Variants in FAM221A observed in about 807,000 individuals in gnomAD.
FAM221A encodes the protein family with sequence similarity 221 member A.
In FAM221A, 43 loss-of-function variants were observed where a neutral mutation model predicts 37.6. The ratio of observed to expected loss-of-function variants is 1.15; its 90% CI spans 0.90 to 1.48. The LOEUF (loss-of-function observed/expected upper bound fraction) is 1.48, where lower values mean the gene tolerates loss of function less well. FAM221A is among the 40% of genes most tolerant of loss of function. FAM221A has a pLI of 0.00. For missense variants in FAM221A, 361 were observed against 361.5 expected (o/e 1.00, Z 0.01); for synonymous variants, 135 against 132.9 (o/e 1.02, Z -0.11).
chr7:23,700,953 C>T (rs928258951), intron 6 of FAM221A, 85 bp downstream of exon 6: 3 of 894,942 alleles, frequency 3.4e-6, no homozygotes. Flanking sequence ...TGTGGAACAT[C>T]CTTGAAAATA....
At chr7:23,702,846 C>T (rs1424695136), downstream of FAM221A, 5 of 152,148 alleles carry the variant, frequency 3.3e-5, no homozygotes, top group Admixed American at 6.5e-5. Context: ...CTTCTGATAG[C>T]GGAAGCCATT....
chr7:23,691,175 G>A (rs1784720496), intron 3 of FAM221A, among the ~76,000 whole-genome samples: 1 of 150,876 alleles, frequency 6.6e-6, no homozygotes, highest in African/African-American at 2.4e-5. Flanking sequence ...TCCTTGTTGT[G>A]TTTTGCAGTT....
At chr7:23,682,667 C>T (rs367759095) in intron 1 of FAM221A, among the ~76,000 whole-genome samples, 11 of 151,932 alleles carry the variant, frequency 7.2e-5, no homozygotes, top group African/African-American at 2.7e-4. Context: ...TCAAGTGATC[C>T]TCCTGCTTCC....
intron 2 of FAM221A, chr7:23,686,324 CACGATCTTG>C: frequency 2.3e-6 from 1 of 427,142 alleles, no homozygotes; most frequent in Non-Finnish European, 4.6e-6. Flanking sequence ...AGTGCAGTGG[CACGATCTTG>C]GCTCATTGCA....
intron 2 of FAM221A, among the ~76,000 whole-genome samples, chr7:23,685,259 A>G (rs1382310544): frequency 1.5e-4 from 1 of 6,490 alleles, no homozygotes; most frequent in Admixed American, 1.2e-3. Flanking sequence ...AAACAAAGCA[A>G]AACAAAACAA....
Position 23,680,227 on chromosome 7 carries a change from G to C in FAM221A, c.9G>C (p.Arg3=), listed in dbSNP as rs1562511639. 2.6e-6 allele frequency: 4 copies of C among 1,549,956 alleles called. No individual in the cohort carries two copies. The highest frequency in any genetic ancestry group is 1.2e-5 in the South Asian group (1 of 84,008). Residue 3 remains arginine, a synonymous_variant, in exon 1 of 7, where the codon CGG becomes CGC. Transcript: ENST00000344962. The part of the protein sequence containing the change: ME[R]LTLPLGGAAA... ...TGGCTTCCCCACCGGCAATGGAGCG[G>C]TTGACGTTGCCTCTCGGCGGCGCGG...
At position 23,684,453 on chromosome 7, in the gene FAM221A, AAAAT is replaced by A. The variant is rs373411785; in HGVS notation, c.66-40_66-37del. The A allele has an allele frequency of 7.6e-5, 105 of 1,386,396 alleles. No homozygotes were observed. In the Middle Eastern group the frequency reaches 8.0e-4, roughly 11 times the overall value. 85.9% of individuals were successfully genotyped at this position (1,386,396 alleles called of 1,614,324 possible). ...AGTGGCCTGGTCATAGCTCACCCAG[AAAAT>A]AAATACTCAAAGCTTAAGAGAAATA... On this transcript the variant is annotated intron_variant, in intron 1 of 6. Transcript: ENST00000344962.
At chr7:23,700,546 G>C (rs1323729262) in intron 5 of FAM221A, among the ~76,000 whole-genome samples, 1 of 152,100 alleles carries the variant, frequency 6.6e-6, no homozygotes, top group Non-Finnish European at 1.5e-5. Context: ...TAGCTATATG[G>C]TGCTATTTAA....
In FAM221A at chr7:23,689,372, C is replaced by T. The variant is rs1324066967; in HGVS notation, c.343C>T (p.Pro115Ser). ...CCAGTGCAGGGCTTACCTTTATGTCCCCTTGAATGGTAGCCAGCCCATTCG... is the reference window on the plus strand; with the variant it reads ...CCAGTGCAGGGCTTACCTTTATGTCTCCTTGAATGGTAGCCAGCCCATTCG... ...GCQCRAYLYV[P>S]LNGSQPIRCR... Residue 115 changes from proline (P) to serine (S), a missense_variant, in exon 3 of 7, where the codon CCC becomes TCC. Coordinates refer to ENST00000344962, the MANE Select transcript of FAM221A (RefSeq NM_199136.5). The T allele has an allele frequency of 6.8e-6, 11 of 1,608,448 alleles. No homozygotes were observed. Among genetic ancestry groups the T allele is most frequent in the Non-Finnish European group, 9.4e-6 (11 of 1,175,906 alleles).
intron 6 of FAM221A, among the ~76,000 whole-genome samples, chr7:23,701,334 G>A (rs915582382): frequency 1.3e-5 from 2 of 150,626 alleles, no homozygotes; most frequent in African/African-American, 4.9e-5. Flanking sequence ...CCGCCTCCCG[G>A]GTTCACGCCA....
Position 23,702,421 on chromosome 7 carries a change from C to G in FAM221A, c.*257C>G, listed in dbSNP as rs770134130. The G allele has an allele frequency of 1.3e-5, 3 of 237,224 alleles. No homozygotes were observed. The highest frequency in any genetic ancestry group is 2.5e-5 in the Non-Finnish European group (3 of 122,318). The allele number at this position is 237,224 out of a possible 1,614,324, so 14.7% of individuals were successfully genotyped here. A position where few individuals can be genotyped will look rare whatever the true frequency, so the allele number is the denominator to read the frequency against. Reference sequence around the variant, plus strand: ...TTTTATATGAGTCTGTCTGAGAGTACAGTAAATGTTTTTAGTACATAATAA... The same window carrying G: ...TTTTATATGAGTCTGTCTGAGAGTAGAGTAAATGTTTTTAGTACATAATAA... On this transcript the variant is annotated 3_prime_UTR_variant, in exon 7 of 7. Coordinates refer to ENST00000344962, the MANE Select transcript of FAM221A (RefSeq NM_199136.5).
intron 4 of FAM221A, chr7:23,694,319 G>C (rs191083898): frequency 1.7e-4 from 26 of 152,210 alleles, no homozygotes; most frequent in Non-Finnish European, 3.2e-4. Flanking sequence ...TTCCTGGTGT[G>C]TCATGATATT....
chr7:23,700,090 G>A (rs1785323162), intron 5 of FAM221A, among the ~76,000 whole-genome samples: 1 of 152,166 alleles, frequency 6.6e-6, no homozygotes, highest in African/African-American at 2.4e-5. Flanking sequence ...ATACTCTGTG[G>A]TGATTGTCTG....
chr7:23,689,181 AT>A, intron 2 of FAM221A, 87 bp from the exon 3 acceptor site: 8 of 866,798 alleles, frequency 9.2e-6, no homozygotes, highest in Non-Finnish European at 1.3e-5. Flanking sequence ...TAATTAAAAA[AT>A]CATATCTGCC....
At chr7:23,690,190 TATATA>T (rs1294086864) in intron 3 of FAM221A, among the ~76,000 whole-genome samples, 16 of 57,646 alleles carry the variant, frequency 2.8e-4, no homozygotes, top group Non-Finnish European at 3.4e-4. Flanking sequence ...TATATATATA[TATATA>T]TATATTTTTT....
chr7:23,701,401 A>G (rs775407796), intron 6 of FAM221A, among the ~76,000 whole-genome samples: 15 of 151,876 alleles, frequency 9.9e-5, no homozygotes, highest in African/African-American at 1.7e-4. Context: ...CACCATGCCC[A>G]GCTAATTTTT....
intron 1 of FAM221A, 58 bp from the exon 2 acceptor site, chr7:23,684,439 CAT>C (rs1343105525): frequency 8.4e-7 from 1 of 1,184,066 alleles, no homozygotes; most frequent in Non-Finnish European, 1.2e-6. Context: ...GTGGCCTGGT[CAT>C]AGCTCACCCA....
At chr7:23,690,200 T>TATATATATATTA (rs1491098232) in intron 3 of FAM221A, among the ~76,000 whole-genome samples, 2 of 18,592 alleles carry the variant, frequency 1.1e-4, no homozygotes, top group Non-Finnish European at 2.1e-4. Flanking sequence ...TATATATATA[T>TATATATATATTA]TTTTTTTTTT....
At chr7:23,698,374 ATC>A in intron 5 of FAM221A, 75 bp downstream of exon 5, 2 of 784,950 alleles carry the variant, frequency 2.5e-6, no homozygotes, top group Non-Finnish European at 4.2e-6. Flanking sequence ...TTTTCTAGGC[ATC>A]TCTCTTTTTT....
Sources: gnomAD v4.1 joint callset for allele counts (sites outside exome capture counted in the v4.1 genomes callset) on GRCh38, gnomAD v4.1.1 for gene constraint, MANE v1.5 for transcripts, NCBI Gene and HGNC (gene_info 2026-07-23, HGNC 2026-07-21) for gene names.